Variants in COG6 observed in about 807,000 individuals in gnomAD.
The protein encoded by COG6 is conserved oligomeric Golgi complex subunit 6.
COG6 carries 74 observed loss-of-function variants against 88.8 expected under a neutral mutation model. The observed-to-expected ratio is 0.83, with a 90% CI of 0.69 to 1.01. COG6 has a LOEUF of 1.01. COG6 is among the 50% of genes least tolerant of loss of function. The pLI is 0.00. For synonymous variants in COG6, 286 were observed against 278.7 expected, an observed-to-expected ratio of 1.03 and a Z score of -0.26; for missense variants, 800 against 797.9, an observed-to-expected ratio of 1.00 and a Z score of -0.03.
In COG6 at chr13:39,680,056, T is replaced by C. The variant is rs1876218803; in HGVS notation, c.694+11T>C. ...ACCGATGGGCTCAAAGTAAGTGATT[T>C]CTTTTATGTTGTCTAGATTCATGAA... On this transcript the variant is annotated intron_variant, in intron 7 of 18. Transcript: ENST00000455146. 1 of 1,506,950 alleles carries C rather than the reference T, an allele frequency of 6.6e-7. No homozygotes were observed. The highest frequency in any genetic ancestry group is 2.3e-5 in the East Asian group (1 of 44,246). The allele number at this position is 1,506,950 out of a possible 1,614,324, so 93.3% of individuals were successfully genotyped here. A position where few individuals can be genotyped will look rare whatever the true frequency, so the allele number is the denominator to read the frequency against.
intron 18 of COG6, among the ~76,000 whole-genome samples, chr13:39,749,992 G>A (rs1182031821): frequency 2.6e-5 from 4 of 152,164 alleles, no homozygotes; most frequent in African/African-American, 9.7e-5. Flanking sequence ...ATAGGAGTTT[G>A]TGTGTACTCC....
chr13:39,662,142 A>ATTTTTTTTTTTTT (rs10629485), intron 3 of COG6, among the ~76,000 whole-genome samples: 1 of 130,654 alleles, frequency 7.7e-6, no homozygotes, highest in Non-Finnish European at 1.6e-5. Context: ...TGTCCTTTGT[A>ATTTTTTTTTTTTT]TTTTTTTTTT....
intron 13 of COG6, among the ~76,000 whole-genome samples, chr13:39,707,105 AAAG>A (rs919728180): frequency 3.9e-5 from 6 of 152,058 alleles, no homozygotes; most frequent in South Asian, 2.1e-4. Context: ...ACAATAATAT[AAAG>A]AAGAAGAAGA....
chr13:39,739,424 C>A (rs1432827016), intron 18 of COG6, among the ~76,000 whole-genome samples: 2 of 151,916 alleles, frequency 1.3e-5, no homozygotes, highest in African/African-American at 4.8e-5. Context: ...TATTAACAGG[C>A]AAAATTGAAT....
chr13:39,672,979 G>A (rs1172517139), intron 4 of COG6, among the ~76,000 whole-genome samples: 1 of 152,026 alleles, frequency 6.6e-6, no homozygotes, highest in African/African-American at 2.4e-5. Context: ...TTTTCCTAAT[G>A]ACTAATGATG....
chr13:39,721,483 G>A (rs1169211168), intron 15 of COG6, among the ~76,000 whole-genome samples: 4 of 152,028 alleles, frequency 2.6e-5, no homozygotes, highest in Non-Finnish European at 5.9e-5. Context: ...AATTTTCCCA[G>A]TGCCCTTTCA....
chr13:39,773,533 G>T (rs1233263617), intron 18 of COG6, among the ~76,000 whole-genome samples: 1 of 152,196 alleles, frequency 6.6e-6, no homozygotes, highest in Non-Finnish European at 1.5e-5. Flanking sequence ...GAACTGAAGA[G>T]TGAATGATTT....
At chr13:39,756,438 AAAAG>A (rs1382855763), downstream of COG6, among the ~76,000 whole-genome samples, 1 of 152,156 alleles carries the variant, frequency 6.6e-6, no homozygotes, top group Non-Finnish European at 1.5e-5. Context: ...GTCTCAGAGA[AAAAG>A]AGAAAGAGTC....
Position 39,694,696 on chromosome 13 carries a change from TCTC to T in COG6, c.1141_1143del (p.Leu381del), listed in dbSNP as rs756077038. On this transcript the variant is annotated inframe_deletion, in exon 12 of 19. Coordinates refer to ENST00000455146, the MANE Select transcript of COG6 (RefSeq NM_020751.3). ...CAGTTTTATTATATAAAATTTCTAA[TCTC>T]CTCAAATTTTATCACCATACAATCA... is the stretch of plus-strand genomic sequence containing the variant. 7 of 1,594,014 alleles carry T rather than the reference TCTC, an allele frequency of 4.4e-6. No individual in the cohort carries two copies. The highest frequency in any genetic ancestry group is 1.3e-5 in the African/African-American group (1 of 74,356).
At chr13:39,744,282 G>C (rs1274243739) in intron 18 of COG6, among the ~76,000 whole-genome samples, 7 of 152,158 alleles carry the variant, frequency 4.6e-5, no homozygotes, top group African/African-American at 7.2e-5. Context: ...AGAAATAAAG[G>C]ATATTTAATT....
chr13:39,773,856 C>A (rs1881386173), intron 18 of COG6, among the ~76,000 whole-genome samples: 1 of 141,026 alleles, frequency 7.1e-6, no homozygotes, highest in Non-Finnish European at 1.5e-5. Context: ...AATTACAAAC[C>A]TATTGACATT....
At chr13:39,681,982 C>G (rs1163208468) in intron 7 of COG6, among the ~76,000 whole-genome samples, 189 bp from the exon 8 acceptor site, 2 of 152,026 alleles carry the variant, frequency 1.3e-5, no homozygotes, top group Non-Finnish European at 2.9e-5. Context: ...AGTTATATAA[C>G]TACTTAAGCT....
At chr13:39,690,000 G>C (rs1876892432) in intron 11 of COG6, among the ~76,000 whole-genome samples, 176 bp downstream of exon 11, 1 of 151,768 alleles carries the variant, frequency 6.6e-6, no homozygotes, top group Non-Finnish European at 1.5e-5. Flanking sequence ...TTTTCTCTCT[G>C]AGAAAGAAAA....
exon 19 of COG6, chr13:39,788,366 A>G (rs1299503795): frequency 1.7e-5 from 26 of 1,551,704 alleles, no homozygotes; most frequent in Non-Finnish European, 2.3e-5. Flanking sequence ...ATCATCTTGT[A>G]ACCAGTGCAG....
chr13:39,743,670 A>G (rs1318098352), intron 18 of COG6, among the ~76,000 whole-genome samples: 2 of 152,228 alleles, frequency 1.3e-5, no homozygotes, highest in Non-Finnish European at 2.9e-5. Context: ...GAATTCTACC[A>G]GAGGTACAAA....
intron 12 of COG6, among the ~76,000 whole-genome samples, chr13:39,695,167 G>A (rs1877206240): frequency 6.6e-6 from 1 of 151,664 alleles, no homozygotes; most frequent in African/African-American, 2.4e-5. Context: ...AGGGCATAGT[G>A]AATGAAATGT....
chr13:39,763,860 G>A (rs1340935574), intron 18 of COG6, among the ~76,000 whole-genome samples: 3 of 151,754 alleles, frequency 2.0e-5, no homozygotes, highest in Non-Finnish European at 4.4e-5. Flanking sequence ...GAGAAAGATT[G>A]CCCTGTAATT....
At chr13:39,687,826 G>A (rs371418403) in intron 10 of COG6, 27 bp downstream of exon 10, 220 of 1,451,718 alleles carry the variant, frequency 1.5e-4, no homozygotes, top group East Asian at 2.9e-4. Flanking sequence ...TATTGCTAAT[G>A]CCTAAATATA....
chr13:39,759,501 C>T (rs1880947587), intron 18 of COG6, among the ~76,000 whole-genome samples: 1 of 151,956 alleles, frequency 6.6e-6, no homozygotes, highest in Non-Finnish European at 1.5e-5. Context: ...GTTAATCTTT[C>T]CTAATTTAGT....
Sources: gnomAD v4.1 joint callset for allele counts (sites outside exome capture counted in the v4.1 genomes callset) on GRCh38, gnomAD v4.1.1 for gene constraint, MANE v1.5 for transcripts, NCBI Gene and HGNC (gene_info 2026-07-23, HGNC 2026-07-21) for gene names.